Variants in ATP8A1 observed in about 807,000 individuals in gnomAD.
ATP8A1 encodes ATPase phospholipid transporting 8A1.
ATP8A1 carries 90 observed loss-of-function variants against 177.7 expected under a neutral mutation model. The observed-to-expected ratio is 0.51, with a 90% confidence interval of 0.43 to 0.60. ATP8A1 has a LOEUF of 0.60. Ranked by LOEUF, ATP8A1 falls within the 20% of genes least tolerant of loss-of-function variation. The pLI is 0.00. For missense variants in ATP8A1, 1,072 were observed against 1,392.8 expected (o/e 0.77, Z 3.67); for synonymous variants, 493 against 485.9 (o/e 1.01, Z -0.19).
chr4:42,440,286 C>T (rs1311656381), intron 33 of ATP8A1, among the ~76,000 whole-genome samples: 1 of 151,740 alleles, frequency 6.6e-6, no homozygotes, highest in Non-Finnish European at 1.5e-5. Context: ...CAGAGTCCTA[C>T]AGCGAAAATA....
chr4:42,424,584 T>A (rs1420808480), intron 33 of ATP8A1, among the ~76,000 whole-genome samples: 1 of 152,182 alleles, frequency 6.6e-6, no homozygotes, highest in African/African-American at 2.4e-5. Flanking sequence ...GGTTCAGGAA[T>A]TAAAAATAAC....
At chr4:42,445,945 T>C (rs941768722) in intron 31 of ATP8A1, among the ~76,000 whole-genome samples, 2 of 151,902 alleles carry the variant, frequency 1.3e-5, no homozygotes, top group Admixed American at 6.6e-5. Context: ...CTGGGCGTGA[T>C]GGCACACGCC....
intron 25 of ATP8A1, chr4:42,471,868 G>C: frequency 1.6e-6 from 1 of 613,686 alleles, no homozygotes; most frequent in Non-Finnish European, 3.2e-6. Flanking sequence ...AACGAGTTAA[G>C]AGTCCGGCAT....
At chr4:42,653,371 C>T (rs1440322516) in intron 1 of ATP8A1, among the ~76,000 whole-genome samples, 2 of 152,128 alleles carry the variant, frequency 1.3e-5, no homozygotes, top group African/African-American at 4.8e-5. Flanking sequence ...AAAGTAAGCA[C>T]CTCCAGGGCC....
chr4:42,551,078 T>C, intron 18 of ATP8A1, 120 bp downstream of exon 18: 1 of 738,174 alleles, frequency 1.4e-6, no homozygotes, highest in East Asian at 2.5e-5. Context: ...GAACACCCAG[T>C]AGTTGCTTCT....
chr4:42,521,023 T>C (rs1355227240), intron 22 of ATP8A1, among the ~76,000 whole-genome samples: 1 of 151,980 alleles, frequency 6.6e-6, no homozygotes, highest in East Asian at 1.9e-4. Context: ...AGGGGGGAAA[T>C]AGTCCAGGGA....
At chr4:42,602,418 T>A (rs931393633) in intron 5 of ATP8A1, among the ~76,000 whole-genome samples, 7 of 152,204 alleles carry the variant, frequency 4.6e-5, no homozygotes, top group Admixed American at 3.3e-4. Flanking sequence ...AGGTGCTGTC[T>A]CTGCCAGAGT....
intron 4 of ATP8A1, among the ~76,000 whole-genome samples, chr4:42,616,954 C>T (rs552884830): frequency 6.6e-6 from 1 of 152,270 alleles, no homozygotes; most frequent in Non-Finnish European, 1.5e-5. Context: ...ATTAACACTG[C>T]AGAAGAGCGG....
intron 33 of ATP8A1, among the ~76,000 whole-genome samples, chr4:42,428,979 ACT>A (rs1370317946): frequency 1.3e-5 from 2 of 151,906 alleles, no homozygotes; most frequent in African/African-American, 2.4e-5. Context: ...TAGACTATAT[ACT>A]CTCTTAATTC....
At chr4:42,648,981 C>A (rs1479159437) in intron 1 of ATP8A1, among the ~76,000 whole-genome samples, 1 of 152,132 alleles carries the variant, frequency 6.6e-6, no homozygotes, top group Non-Finnish European at 1.5e-5. Flanking sequence ...TATAATCTTT[C>A]TAGCAATTTT....
intron 1 of ATP8A1, among the ~76,000 whole-genome samples, chr4:42,635,243 A>C (rs1297801412): frequency 6.6e-6 from 1 of 152,152 alleles, no homozygotes; most frequent in African/African-American, 2.4e-5. Flanking sequence ...AGACAAGAAC[A>C]AGATACAAAA....
Position 42,449,101 on chromosome 4 carries a change from G to GTAAT in ATP8A1, c.2897-2458_2897-2457insATTA, listed in dbSNP as rs778615254. Among the ~76,000 whole-genome samples, 28 of 152,280 alleles carry GTAAT rather than the reference G, an allele frequency of 1.8e-4. No individual in the cohort carries two copies. The East Asian group carries it at 5.4e-3, about 29-fold the overall frequency. The stretch of plus-strand genomic sequence containing the variant: ...TCCACCTGCATTGGGCTCCCAAAGT[G>GTAAT]CTGGGATTACAGGTGTGAGCCACCA... On this transcript the variant is annotated intron_variant, in intron 30 of 36. Coordinates refer to ENST00000381668, the MANE Select transcript of ATP8A1 (RefSeq NM_006095.2).
intron 1 of ATP8A1, among the ~76,000 whole-genome samples, chr4:42,639,309 G>T (rs1739705066): frequency 6.6e-6 from 1 of 152,162 alleles, no homozygotes; most frequent in African/African-American, 2.4e-5. Context: ...GAGACTGGAG[G>T]AAAGGTGTTG....
chr4:42,491,541 A>T (rs1722743920), intron 24 of ATP8A1, among the ~76,000 whole-genome samples: 1 of 152,246 alleles, frequency 6.6e-6, no homozygotes, highest in African/African-American at 2.4e-5. Flanking sequence ...ACGTGCAGTC[A>T]TAAAAAAGTG....
At chr4:42,421,881 C>T (rs1212888616) in intron 35 of ATP8A1, among the ~76,000 whole-genome samples, 1 of 151,694 alleles carries the variant, frequency 6.6e-6, no homozygotes, top group Admixed American at 6.6e-5. Flanking sequence ...ATTATAATTT[C>T]TTTCTTACAA....
At chr4:42,436,126 C>G (rs538342041) in intron 33 of ATP8A1, among the ~76,000 whole-genome samples, 1 of 152,110 alleles carries the variant, frequency 6.6e-6, no homozygotes, top group Non-Finnish European at 1.5e-5. Flanking sequence ...AAAGCTGTGC[C>G]GTACCAGGAG....
chr4:42,564,144 CAGA>C (rs1560464944), intron 15 of ATP8A1, among the ~76,000 whole-genome samples: 7 of 152,176 alleles, frequency 4.6e-5, no homozygotes. Context: ...GCCTAGACCT[CAGA>C]AGATGTATGA....
intron 5 of ATP8A1, among the ~76,000 whole-genome samples, chr4:42,615,138 TATATGTTCCATAATAAAATACTC>T (rs1354396115): frequency 6.6e-6 from 1 of 152,242 alleles, no homozygotes; most frequent in Non-Finnish European, 1.5e-5. Context: ...TATACTTTCT[TATATGTTCCATAATAAAATACTC>T]TCAGTAAATA....
At chr4:42,446,099 AGAG>A (rs374953956) in intron 31 of ATP8A1, among the ~76,000 whole-genome samples, 1,749 of 113,460 alleles carry the variant, frequency 0.015, 34 homozygotes, top group East Asian at 0.054. Context: ...AAAAAAAAAA[AGAG>A]AAGAGATATA....
Sources: allele counts gnomAD v4.1 joint callset (sites outside exome capture counted in the v4.1 genomes callset), GRCh38; gene constraint gnomAD v4.1.1; transcripts MANE v1.5; gene names NCBI Gene and HGNC (gene_info 2026-07-23, HGNC 2026-07-21).